Variants in PPP6C observed in about 807,000 individuals in gnomAD.
The protein encoded by PPP6C is protein phosphatase 6 catalytic subunit, also known as serine/threonine-protein phosphatase 6 catalytic subunit.
A neutral mutation model predicts 39.8 loss-of-function variants in PPP6C; 11 were observed. The ratio of observed to expected loss-of-function variants is 0.28; its 90% CI spans 0.17 to 0.46. The LOEUF is 0.46. PPP6C is among the 20% of genes least tolerant of loss of function. The pLI, the probability that PPP6C is intolerant of heterozygous loss-of-function variation, is 1.00. For missense variants in PPP6C, 211 were observed against 373.9 expected (o/e 0.56, Z 3.59); for synonymous variants, 129 against 130.3 (o/e 0.99, Z 0.07).
chr9:125,170,819 CA>C (rs1433328937), intron 2 of PPP6C, among the ~76,000 whole-genome samples: 9 of 152,188 alleles, frequency 5.9e-5, no homozygotes, highest in Admixed American at 5.9e-4. Flanking sequence ...TACCTACCCC[CA>C]ACCCCACCAT....
intron 1 of PPP6C, among the ~76,000 whole-genome samples, chr9:125,171,458 T>TACAC (rs1192828575): frequency 1.9e-4 from 6 of 32,306 alleles, no homozygotes; most frequent in African/African-American, 5.5e-4. Flanking sequence ...CACACACACA[T>TACAC]ATACACACAC....
At chr9:125,165,367 G>A (rs1828989851) in intron 2 of PPP6C, among the ~76,000 whole-genome samples, 1 of 151,996 alleles carries the variant, frequency 6.6e-6, no homozygotes, top group South Asian at 2.1e-4. Context: ...CCATTGCACT[G>A]CAGTCTGGGT....
At chr9:125,188,918 C>A in intron 1 of PPP6C, 1 of 1,548,632 alleles carries the variant, frequency 6.5e-7, no homozygotes, top group Non-Finnish European at 8.7e-7. Flanking sequence ...AAGGAACTCA[C>A]CTCCTTTAGA....
intron 2 of PPP6C, among the ~76,000 whole-genome samples, chr9:125,166,411 T>C (rs1368601567): frequency 2.0e-5 from 3 of 152,184 alleles, no homozygotes; most frequent in African/African-American, 2.4e-5. Context: ...GCAAATATAG[T>C]TGCCAAATAC....
chr9:125,153,694 T>C lies in PPP6C; in HGVS notation c.508A>G (p.Ile170Val). ...GTTCGAATTTGATCCAGTGTTTTGA[T>C]ATCAGGAGATAAACCACCATGGACA... ...LCVHGGLSPD[I>V]KTLDQIRTIE... The change falls in exon 6 of 7, where the codon ATC becomes GTC. Residue 170 changes from isoleucine (I) to valine (V), a missense_variant. Coordinates refer to ENST00000373547, the MANE Select transcript of PPP6C (RefSeq NM_002721.5). 3 of 1,614,140 alleles carry C rather than the reference T, an allele frequency of 1.9e-6. No individual in the cohort carries two copies. Among genetic ancestry groups the C allele is most frequent in the South Asian group, 1.1e-5 (1 of 91,088 alleles).
In PPP6C at chr9:125,148,836, C is replaced by G. The variant is rs1835868149; in HGVS notation, c.*837G>C. On this transcript the variant is annotated 3_prime_UTR_variant, in exon 7 of 7. Transcript: ENST00000373547. Reference sequence around the variant, plus strand: ...TAATATGGCAGTTATGTTCTTTAGGCACAGTTTAGTGATTTTTTTCAAAAA... The same window carrying G: ...TAATATGGCAGTTATGTTCTTTAGGGACAGTTTAGTGATTTTTTTCAAAAA... The G allele has an allele frequency of 1.3e-5, 2 of 152,026 alleles. No individual in the cohort carries two copies. The highest frequency in any genetic ancestry group is 6.5e-5 in the Admixed American group (1 of 15,268). 9.4% of individuals were successfully genotyped at this position (152,026 alleles called of 1,614,324 possible). A position where few individuals can be genotyped will look rare whatever the true frequency, so the allele number is the denominator to read the frequency against.
At chr9:125,179,992 T>A (rs778647192) in intron 1 of PPP6C, among the ~76,000 whole-genome samples, 1 of 152,098 alleles carries the variant, frequency 6.6e-6, no homozygotes, top group Non-Finnish European at 1.5e-5. Flanking sequence ...GCAACATAAT[T>A]CACCTACATA....
intron 3 of PPP6C, among the ~76,000 whole-genome samples, chr9:125,160,434 G>A (rs1179304257): frequency 2.0e-5 from 3 of 152,172 alleles, no homozygotes; most frequent in African/African-American, 7.2e-5. Context: ...TTGTGGGAGG[G>A]ACTCGATGGA....
chr9:125,183,507 T>C (rs1020335500), intron 1 of PPP6C, among the ~76,000 whole-genome samples: 1 of 152,124 alleles, frequency 6.6e-6, no homozygotes, highest in African/African-American at 2.4e-5. Flanking sequence ...ACAGTATGAT[T>C]TTTCCCTAAA....
intron 1 of PPP6C, among the ~76,000 whole-genome samples, chr9:125,184,818 A>G (rs1213773240): frequency 1.3e-5 from 2 of 151,640 alleles, no homozygotes; most frequent in Non-Finnish European, 2.9e-5. Flanking sequence ...ACCAAAAAAT[A>G]TATATATACA....
In PPP6C at chr9:125,147,757, A is replaced by G. The variant is rs1288258878; in HGVS notation, c.*1916T>C. 6.6e-6 allele frequency: 1 copy of G among 152,170 alleles called. No individual in the cohort carries two copies. The highest frequency in any genetic ancestry group is 1.5e-5 in the Non-Finnish European group (1 of 68,014). The allele number at this position is 152,170 out of a possible 1,614,324, so 9.4% of individuals were successfully genotyped here. ...AGGGCTGGGAGTTACCGGTTCTATT[A>G]GTACAACTTAAGTGGAAAGCAAGCA... is the stretch of plus-strand genomic sequence containing the variant. On this transcript the variant is annotated 3_prime_UTR_variant, in exon 7 of 7. Coordinates refer to ENST00000373547, the MANE Select transcript of PPP6C (RefSeq NM_002721.5).
chr9:125,189,685 T>C lies in PPP6C; in HGVS notation c.34A>G (p.Ile12Val). 1 of 1,612,370 alleles carries C rather than the reference T, an allele frequency of 6.2e-7. No homozygotes were observed. The highest frequency in any genetic ancestry group is 1.1e-5 in the South Asian group (1 of 91,062). ...APLDLDKYVE[I>V]ARLCKYLPEN... ...GGCAGGTACTTGCACAGCCGCGCTA[T>C]TTCCACATACTTGTCCAGGTCTAGC... The change falls in exon 1 of 7, where the codon ATA becomes GTA. Residue 12 changes from isoleucine (I) to valine (V), a missense_variant. Around this residue, in one of 2 missense-constraint regions of PPP6C, gnomAD observed 43 missense variants for 31.3 expected, o/e 1.38. Transcript: ENST00000373547.
At chr9:125,160,234 T>G (rs569192574) in intron 3 of PPP6C, among the ~76,000 whole-genome samples, 1 of 152,326 alleles carries the variant, frequency 6.6e-6, no homozygotes, top group East Asian at 1.9e-4. Context: ...TTGAAGATTT[T>G]TGCCTTAAAC....
intron 1 of PPP6C, among the ~76,000 whole-genome samples, chr9:125,179,586 G>A (rs1223133004): frequency 6.6e-6 from 1 of 151,590 alleles, no homozygotes; most frequent in Non-Finnish European, 1.5e-5. Flanking sequence ...TGTTCACTCA[G>A]TCAAGAATGC....
At chr9:125,161,991 G>C (rs10986595) in intron 2 of PPP6C, among the ~76,000 whole-genome samples, 2,301 of 151,008 alleles carry the variant, frequency 0.015, 109 homozygotes, top group Admixed American at 0.083. Context: ...TAATAGGAAT[G>C]TTAGTCAAAG....
chr9:125,181,139 C>CTA lies in PPP6C; in HGVS notation c.75+8503_75+8504dup, dbSNP rs1426016662. On this transcript the variant is annotated intron_variant, in intron 1 of 6. Transcript: ENST00000373547. ...AAAATAAGAAGTCTATGCAATCTCA[C>CTA]TATAAACGCTACGTGACTCAATCAA... Among the ~76,000 whole-genome samples, 4 of 152,156 alleles carry CTA rather than the reference C, an allele frequency of 2.6e-5. No homozygotes were observed. The East Asian group carries it at 7.7e-4, about 29-fold the overall frequency.
At chr9:125,158,149 T>C (rs1233066294) in intron 4 of PPP6C, 92 bp downstream of exon 4, 2 of 1,277,430 alleles carry the variant, frequency 1.6e-6, no homozygotes, top group South Asian at 1.4e-5. Context: ...GGGAAAATAA[T>C]ATACATAAAG....
chr9:125,188,101 C>A (rs137915304), intron 1 of PPP6C, among the ~76,000 whole-genome samples: 1 of 150,728 alleles, frequency 6.6e-6, no homozygotes, highest in African/African-American at 2.5e-5. Context: ...TACACTGAGT[C>A]GGGGCTGGGC....
chr9:125,161,536 T>C (rs969917108), intron 2 of PPP6C, among the ~76,000 whole-genome samples: 27 of 152,334 alleles, frequency 1.8e-4, no homozygotes, highest in African/African-American at 5.8e-4. Context: ...CACAAATTCC[T>C]GGGCTCAAGT....
Sources: allele counts gnomAD v4.1 joint callset (sites outside exome capture counted in the v4.1 genomes callset), GRCh38; gene constraint gnomAD v4.1.1; regional missense constraint gnomAD v4.1.1; transcripts MANE v1.5; gene names NCBI Gene and HGNC (gene_info 2026-07-23, HGNC 2026-07-21).